Variants in SIN3A observed in about 807,000 individuals in gnomAD.
SIN3A encodes the protein paired amphipathic helix protein Sin3a.
A neutral mutation model predicts 146.1 loss-of-function variants in SIN3A; 14 were observed. The ratio of observed to expected loss-of-function variants is 0.10; its 90% confidence interval spans 0.06 to 0.15. SIN3A has a LOEUF of 0.15. Among genes scored for constraint, SIN3A ranks in the 10% least tolerant of loss-of-function variants. SIN3A has a pLI of 1.00. For synonymous variants in SIN3A, 572 were observed against 572.0 expected (o/e 1.00, Z 0.00); for missense variants, 1,028 against 1,576.0 (o/e 0.65, Z 5.89).
At chr15:75,376,929 G>GT (rs1024745150) in intron 19 of SIN3A, among the ~76,000 whole-genome samples, 1 of 148,158 alleles carries the variant, frequency 6.7e-6, no homozygotes, top group African/African-American at 2.5e-5. Flanking sequence ...TTGTATACAA[G>GT]TATTTCTGTA....
intron 18 of SIN3A, 119 bp downstream of exon 18, chr15:75,381,494 C>G: frequency 1.4e-6 from 1 of 710,488 alleles, no homozygotes; most frequent in Non-Finnish European, 2.5e-6. Flanking sequence ...GCATCCAGGT[C>G]CTGACCCTTA....
In SIN3A at chr15:75,410,004, C is replaced by T; in HGVS notation, c.1162-13G>A. 1 of 1,613,740 alleles carries T rather than the reference C, an allele frequency of 6.2e-7. No individual in the cohort carries two copies. Among genetic ancestry groups the T allele is most frequent in the African/African-American group, 1.3e-5 (1 of 75,026 alleles). On this transcript the variant is annotated splice_polypyrimidine_tract_variant and intron_variant, in intron 7 of 20. Transcript: ENST00000394947. ...TTTTGCTTAAAAGCTGATTAAGACA[C>T]ATGAATGAGATTAATGCTCTTATCA...
At chr15:75,404,797 A>G (rs1409420645) in intron 9 of SIN3A, among the ~76,000 whole-genome samples, 2 of 151,914 alleles carry the variant, frequency 1.3e-5, no homozygotes, top group East Asian at 3.8e-4. Context: ...CAAAAACAAA[A>G]ACAAAAAACC....
intron 1 of SIN3A, among the ~76,000 whole-genome samples, chr15:75,434,045 T>C (rs1158244520): frequency 6.6e-6 from 1 of 152,200 alleles, no homozygotes; most frequent in Non-Finnish European, 1.5e-5. Flanking sequence ...AGCTGTGATA[T>C]AAATCCAGGA....
intron 8 of SIN3A, among the ~76,000 whole-genome samples, chr15:75,408,120 C>G (rs1338268024): frequency 6.6e-6 from 1 of 152,096 alleles, no homozygotes; most frequent in Admixed American, 6.6e-5. Context: ...AGAGCCGCAG[C>G]CTCTGCTTAC....
Position 75,389,824 on chromosome 15 carries a change from G to A in SIN3A, c.2852-3C>T. 6.2e-7 allele frequency: 1 copy of A among 1,613,926 alleles called. No individual in the cohort carries two copies. Among genetic ancestry groups the A allele is most frequent in the Non-Finnish European group, 8.5e-7 (1 of 1,179,828 alleles). On this transcript the variant is annotated splice_region_variant and splice_polypyrimidine_tract_variant and intron_variant, in intron 15 of 20. Transcript: ENST00000394947. Reference sequence around the variant, plus strand: ...ATAATCTTCTACATCAACATCCACTGTGGGAGAGATGGGATTGGTGAGGCC... The same window carrying A: ...ATAATCTTCTACATCAACATCCACTATGGGAGAGATGGGATTGGTGAGGCC...
intron 15 of SIN3A, among the ~76,000 whole-genome samples, chr15:75,391,773 C>A (rs969587635): frequency 6.6e-5 from 10 of 152,164 alleles, no homozygotes; most frequent in African/African-American, 2.4e-4. Context: ...AGTCTCCTTT[C>A]CATAAACTAT....
At chr15:75,413,089 A>C (rs149180559) in intron 4 of SIN3A, 44 bp from the exon 5 acceptor site, 44 of 1,547,012 alleles carry the variant, frequency 2.8e-5, no homozygotes, top group Non-Finnish European at 3.7e-5. Flanking sequence ...TAAGCTTAAC[A>C]AACACCCTGT....
intron 2 of SIN3A, among the ~76,000 whole-genome samples, chr15:75,424,292 G>A (rs2073888357): frequency 6.6e-6 from 1 of 151,932 alleles, no homozygotes. Context: ...AAATTAGACA[G>A]GCATGGTGGC....
At chr15:75,386,898 T>C (rs968825406) in intron 16 of SIN3A, among the ~76,000 whole-genome samples, 9 of 152,156 alleles carry the variant, frequency 5.9e-5, no homozygotes, top group African/African-American at 2.2e-4. Flanking sequence ...CTCAACTTCC[T>C]GGGTTCAGAT....
intron 20 of SIN3A, among the ~76,000 whole-genome samples, chr15:75,374,700 C>G (rs1048048719): frequency 2.0e-5 from 3 of 152,208 alleles, no homozygotes; most frequent in Non-Finnish European, 1.5e-5. Context: ...ATGCCAAGTC[C>G]TTTCCTCCCA....
Position 75,413,063 on chromosome 15 carries a change from G to A in SIN3A, c.474-18C>T, listed in dbSNP as rs757625478. 1.3e-6 allele frequency: 2 copies of A among 1,584,072 alleles called. No homozygotes were observed. Among genetic ancestry groups the A allele is most frequent in the Non-Finnish European group, 1.7e-6 (2 of 1,170,996 alleles). On this transcript the variant is annotated intron_variant, in intron 4 of 20. Transcript: ENST00000394947. ...TGTCGATGCTGATAAAAAACAAAAA[G>A]AAAAGTGATAAACTGTAAGCTTAAC...
Position 75,380,674 on chromosome 15 carries a change from G to A in SIN3A, c.3338C>T (p.Pro1113Leu), listed in dbSNP as rs935511195. ...ERYMNSDTTS[P>L]ELREHLAQKP... Reference sequence around the variant, plus strand: ...CTGTGCTAGATGTTCACGAAGCTCAGGCGAGGTAGTATCTGAATTCATGTA... The same window carrying A: ...CTGTGCTAGATGTTCACGAAGCTCAAGCGAGGTAGTATCTGAATTCATGTA... The change falls in exon 19 of 21, where the codon CCT becomes CTT. Residue 1113 changes from proline (P) to leucine (L), a missense_variant. Physicochemically the swap from Pro to Leu is moderately conservative, Grantham distance 98 (BLOSUM62 -3). Around this residue, in one of 9 missense-constraint regions of SIN3A, gnomAD observed 488 missense variants for 690.2 expected, o/e 0.71. Transcript: ENST00000394947. 1 of 1,614,126 alleles carries A rather than the reference G, an allele frequency of 6.2e-7. No homozygotes were observed. The highest frequency in any genetic ancestry group is 8.5e-7 in the Non-Finnish European group (1 of 1,180,008).
intron 1 of SIN3A, among the ~76,000 whole-genome samples, chr15:75,434,181 T>TA (rs1172473004): frequency 6.6e-6 from 1 of 152,192 alleles, no homozygotes; most frequent in East Asian, 1.9e-4. Context: ...CAGCTTTTTT[T>TA]AACCTTTCAC....
At chr15:75,413,902 C>T (rs1382193445) in intron 4 of SIN3A, among the ~76,000 whole-genome samples, 2 of 152,132 alleles carry the variant, frequency 1.3e-5, no homozygotes, top group East Asian at 3.8e-4. Flanking sequence ...TGAACCATGC[C>T]AGAATATAAG....
At chr15:75,411,772 T>C in intron 5 of SIN3A, 29 bp from the exon 6 acceptor site, 1 of 1,546,508 alleles carries the variant, frequency 6.5e-7, no homozygotes. Context: ...TTTATTCTCT[T>C]CAGATGCATA....
intron 1 of SIN3A, among the ~76,000 whole-genome samples, chr15:75,446,824 T>G (rs1021047167): frequency 6.6e-6 from 1 of 151,916 alleles, no homozygotes; most frequent in Non-Finnish European, 1.5e-5. Flanking sequence ...CAGGCTAGAG[T>G]GCAGTGGCAC....
intron 1 of SIN3A, among the ~76,000 whole-genome samples, chr15:75,431,955 T>C (rs1261404856): frequency 6.6e-6 from 1 of 152,174 alleles, no homozygotes; most frequent in Admixed American, 6.6e-5. Flanking sequence ...ACAAATATGC[T>C]CTCTGTGGCC....
intron 5 of SIN3A, 77 bp downstream of exon 5, chr15:75,412,686 A>T: frequency 7.3e-7 from 1 of 1,366,004 alleles, no homozygotes; most frequent in Non-Finnish European, 9.9e-7. Flanking sequence ...TCTAAGTCTT[A>T]TATAAAGGGG....
Sources: allele counts gnomAD v4.1 joint callset (sites outside exome capture counted in the v4.1 genomes callset), GRCh38; gene constraint gnomAD v4.1.1; regional missense constraint gnomAD v4.1.1; transcripts MANE v1.5; gene names NCBI Gene and HGNC (gene_info 2026-07-23, HGNC 2026-07-21).